The following ABCA12 variants were observed in gnomAD, a reference collection of about 807,000 sequenced individuals.
ABCA12 encodes ATP binding cassette subfamily A member 12, also known as glucosylceramide transporter ABCA12.
A neutral mutation model predicts 293.5 loss-of-function variants in ABCA12; 156 were observed. The ratio of observed to expected loss-of-function variants is 0.53; its 90% CI spans 0.47 to 0.61. The LOEUF (loss-of-function observed/expected upper bound fraction) is 0.61, where lower values mean the gene tolerates loss of function less well. Ranked by LOEUF, ABCA12 falls within the 20% of genes least tolerant of loss-of-function variation. ABCA12 has a pLI of 0.00. For missense variants in ABCA12, 2,797 were observed against 3,090.2 expected, an observed-to-expected ratio of 0.91 and a Z score of 2.25; for synonymous variants, 1,063 against 1,108.0, an observed-to-expected ratio of 0.96 and a Z score of 0.81.
In ABCA12 at chr2:215,044,034, A is replaced by G. The variant is rs578240850; in HGVS notation, c.872+1803T>C. On this transcript the variant is annotated intron_variant, in intron 7 of 52. Transcript: ENST00000272895. Reference sequence around the variant, plus strand: ...TTTTATTGTTGTGTTGTATTTTAATATATGAATAAACCACAATTTGTTTTG... The same window carrying G: ...TTTTATTGTTGTGTTGTATTTTAATGTATGAATAAACCACAATTTGTTTTG... Among the ~76,000 whole-genome samples, 189 of 150,984 alleles carry G rather than the reference A, an allele frequency of 1.3e-3. 1 individual carries two copies. The highest frequency in any genetic ancestry group is 2.2e-3 in the Non-Finnish European group (149 of 67,978).
chr2:215,027,067 G>A (rs925107119), intron 9 of ABCA12, 129 bp from the exon 10 acceptor site: 8 of 687,474 alleles, frequency 1.2e-5, no homozygotes, highest in African/African-American at 5.4e-5. Flanking sequence ...GCAGTTGGCC[G>A]GGCGCGGTGG....
At chr2:215,093,130 C>T (rs1046120511) in intron 2 of ABCA12, among the ~76,000 whole-genome samples, 7 of 152,158 alleles carry the variant, frequency 4.6e-5, no homozygotes, top group South Asian at 2.1e-4. Context: ...AAAGGGATAT[C>T]GCATATCCCC....
At chr2:215,095,060 C>T (rs1471544753) in intron 2 of ABCA12, among the ~76,000 whole-genome samples, 1 of 152,168 alleles carries the variant, frequency 6.6e-6, no homozygotes, top group Non-Finnish European at 1.5e-5. Context: ...CCCCTCATGA[C>T]AGCAACACTT....
intron 19 of ABCA12, among the ~76,000 whole-genome samples, chr2:215,007,166 C>T (rs1700273550): frequency 6.6e-6 from 1 of 152,152 alleles, no homozygotes; most frequent in African/African-American, 2.4e-5. Flanking sequence ...TGAGCTACCG[C>T]ACCTGGCCTA....
chr2:215,138,056 T>C, intron 1 of ABCA12, 84 bp downstream of exon 1: 3 of 1,359,886 alleles, frequency 2.2e-6, no homozygotes, highest in Non-Finnish European at 3.2e-6. Context: ...ACTCTTCTGT[T>C]TTCACTTCTC....
At chr2:215,068,153 G>T (rs1018327286) in intron 2 of ABCA12, among the ~76,000 whole-genome samples, 2 of 151,988 alleles carry the variant, frequency 1.3e-5, no homozygotes, top group African/African-American at 4.8e-5. Context: ...GTGTCACCTG[G>T]GAACTTATTA....
chr2:215,057,790 TA>T (rs1373679424), intron 3 of ABCA12, among the ~76,000 whole-genome samples: 1 of 152,010 alleles, frequency 6.6e-6, no homozygotes, highest in Non-Finnish European at 1.5e-5. Context: ...CAACTTTTTT[TA>T]AATGGCTGTG....
chr2:215,117,539 T>C (rs1702711324), intron 1 of ABCA12, among the ~76,000 whole-genome samples: 1 of 152,220 alleles, frequency 6.6e-6, no homozygotes, highest in South Asian at 2.1e-4. Flanking sequence ...TTATTTCAAG[T>C]ATTTACAAAT....
Position 214,942,999 on chromosome 2 carries a change from A to G in ABCA12, c.7362T>C (p.Ala2454=). 1 of 1,613,346 alleles carries G rather than the reference A, an allele frequency of 6.2e-7. No individual in the cohort carries two copies. Among genetic ancestry groups the G allele is most frequent in the Non-Finnish European group, 8.5e-7 (1 of 1,179,770 alleles). The change falls in exon 50 of 53, where the codon GCT becomes GCC. Residue 2454 remains alanine (A), a synonymous_variant. Coordinates refer to ENST00000272895, the MANE Select transcript of ABCA12 (RefSeq NM_173076.3). ...LTSHSMEECE[A]LCTRLAIMVN... is the part of the protein sequence containing the mutation. Reference sequence around the variant, plus strand: ...CCATAATGGCCAACCTGGTACAGAGAGCTTCACATTCTTCCATGCTAAAAG... The same window carrying G: ...CCATAATGGCCAACCTGGTACAGAGGGCTTCACATTCTTCCATGCTAAAAG...
intron 7 of ABCA12, 60 bp downstream of exon 7, chr2:215,045,777 A>G (rs879024605): frequency 2.0e-5 from 30 of 1,497,712 alleles, no homozygotes; most frequent in Non-Finnish European, 2.6e-5. Flanking sequence ...CACAGGTAAC[A>G]TTTTTTTAAA....
chr2:215,017,092 A>G (rs912330841), intron 14 of ABCA12, among the ~76,000 whole-genome samples: 1 of 152,250 alleles, frequency 6.6e-6, no homozygotes, highest in Non-Finnish European at 1.5e-5. Context: ...AAGCTGTTTT[A>G]ATTTTTGTAT....
At chr2:214,934,476 A>G (rs1244961031) in intron 51 of ABCA12, among the ~76,000 whole-genome samples, 1 of 152,232 alleles carries the variant, frequency 6.6e-6, no homozygotes, top group Non-Finnish European at 1.5e-5. Context: ...TTATACAGTC[A>G]TTATAATCTT....
At chr2:215,032,039 G>C (rs1700890047) in intron 8 of ABCA12, 143 bp from the exon 9 acceptor site, 3 of 1,526,350 alleles carry the variant, frequency 2.0e-6, no homozygotes, top group Admixed American at 4.0e-5. Flanking sequence ...TTGTATAAAA[G>C]ACATCTATGC....
At chr2:215,119,881 C>A (rs1156522654) in intron 1 of ABCA12, among the ~76,000 whole-genome samples, 2 of 151,900 alleles carry the variant, frequency 1.3e-5, no homozygotes, top group Non-Finnish European at 2.9e-5. Flanking sequence ...CTCAAAAAAA[C>A]TTAAAACAAA....
intron 1 of ABCA12, among the ~76,000 whole-genome samples, chr2:215,124,292 C>T (rs1422250081): frequency 6.6e-6 from 1 of 152,262 alleles, no homozygotes; most frequent in South Asian, 2.1e-4. Flanking sequence ...AGTACCTTTT[C>T]GAATAATGAC....
chr2:214,940,873 G>T (rs1158791980), intron 50 of ABCA12, among the ~76,000 whole-genome samples: 4 of 151,804 alleles, frequency 2.6e-5, no homozygotes, highest in Admixed American at 6.6e-5. Context: ...TTCTTTATTA[G>T]TCTGGCTAGT....
intron 33 of ABCA12, 93 bp downstream of exon 33, chr2:214,978,223 G>T: frequency 2.8e-6 from 4 of 1,435,878 alleles, no homozygotes; most frequent in Non-Finnish European, 3.9e-6. Context: ...TGAAACTTTA[G>T]AGTTGAATTT....
intron 2 of ABCA12, among the ~76,000 whole-genome samples, chr2:215,095,240 G>C (rs1372801034): frequency 6.6e-6 from 1 of 152,056 alleles, no homozygotes; most frequent in Non-Finnish European, 1.5e-5. Context: ...AAAACTCAAA[G>C]ATAGAGCCCA....
At chr2:215,014,712 C>A in intron 15 of ABCA12, among the ~76,000 whole-genome samples, 1 of 152,126 alleles carries the variant, frequency 6.6e-6, no homozygotes, top group East Asian at 1.9e-4. Flanking sequence ...TAACTCAGAG[C>A]AGAATTATTT....
Sources: gnomAD v4.1 joint callset for allele counts (sites outside exome capture counted in the v4.1 genomes callset) on GRCh38, gnomAD v4.1.1 for gene constraint, MANE v1.5 for transcripts, NCBI Gene and HGNC (gene_info 2026-07-23, HGNC 2026-07-21) for gene names.